Variants in LRBA observed in about 807,000 individuals in gnomAD.
LRBA encodes the protein LPS responsive beige-like anchor protein, also known as lipopolysaccharide-responsive and beige-like anchor protein.
A neutral mutation model predicts 330.0 loss-of-function variants in LRBA; 176 were observed. The ratio of observed to expected loss-of-function variants is 0.53; its 90% CI spans 0.47 to 0.60. The LOEUF (loss-of-function observed/expected upper bound fraction) is 0.60, where lower values mean the gene tolerates loss of function less well. LRBA is among the 20% of genes least tolerant of loss of function. The pLI is 0.00. For missense variants in LRBA, 3,259 were observed against 3,444.8 expected (o/e 0.95, Z 1.35); for synonymous variants, 1,230 against 1,193.0 (o/e 1.03, Z -0.64).
At chr4:150,960,594 A>G (rs982722217) in intron 2 of LRBA, among the ~76,000 whole-genome samples, 2 of 149,216 alleles carry the variant, frequency 1.3e-5, no homozygotes, top group Non-Finnish European at 2.9e-5. Context: ...AAAAGTCAAG[A>G]TAGAGGTTCC....
chr4:150,884,891 T>G (rs1226149099), intron 17 of LRBA, among the ~76,000 whole-genome samples: 1 of 152,086 alleles, frequency 6.6e-6, no homozygotes, highest in Non-Finnish European at 1.5e-5. Context: ...TAATAAATTA[T>G]ATTCAATAAA....
At chr4:150,838,328 A>G (rs1247587517) in intron 28 of LRBA, among the ~76,000 whole-genome samples, 1 of 152,098 alleles carries the variant, frequency 6.6e-6, no homozygotes, top group African/African-American at 2.4e-5. Context: ...CTTAATTTGA[A>G]TGTTGGCCTG....
chr4:150,658,129 G>A (rs1242468247), intron 37 of LRBA, among the ~76,000 whole-genome samples: 9 of 151,926 alleles, frequency 5.9e-5, no homozygotes, highest in Admixed American at 4.6e-4. Context: ...GGACCCTGAC[G>A]ATCGATACTC....
At chr4:150,745,702 G>C (rs1055907510) in intron 35 of LRBA, among the ~76,000 whole-genome samples, 3 of 152,028 alleles carry the variant, frequency 2.0e-5, no homozygotes, top group African/African-American at 7.2e-5. Context: ...CTTTAGTAGA[G>C]ACGGGATTTC....
intron 4 of LRBA, among the ~76,000 whole-genome samples, chr4:150,921,547 C>T (rs1286872663): frequency 6.6e-6 from 1 of 152,070 alleles, no homozygotes; most frequent in Non-Finnish European, 1.5e-5. Context: ...AACTCTTCTC[C>T]AAGCTGCAGC....
intron 2 of LRBA, among the ~76,000 whole-genome samples, chr4:150,979,003 A>C (rs902321457): frequency 2.0e-5 from 3 of 152,186 alleles, no homozygotes; most frequent in Non-Finnish European, 4.4e-5. Flanking sequence ...GAACTTTGCA[A>C]ACCTAGAGAA....
Position 150,465,506 on chromosome 4 carries a change from C to T in LRBA, c.6780+2167G>A, listed in dbSNP as rs114071761. On this transcript the variant is annotated intron_variant, in intron 44 of 56. Coordinates refer to ENST00000651943, the MANE Select transcript of LRBA (RefSeq NM_001364905.1). ...CACAAGGGTTCCAATTTTCCACATC[C>T]GTGCCAACACTTGTGATTTTCTGGG... Among the ~76,000 whole-genome samples the T allele has an allele frequency of 7.2e-3, 1,097 of 152,178 alleles. 12 individuals carry two copies. The highest frequency in any genetic ancestry group is 0.025 in the African/African-American group (1,046 of 41,534).
At chr4:150,436,957 A>G in intron 44 of LRBA, 93 bp from the exon 45 acceptor site, 1 of 1,160,504 alleles carries the variant, frequency 8.6e-7, no homozygotes, top group Non-Finnish European at 1.2e-6. Context: ...GGTAAGTATA[A>G]AAGTGAATTT....
intron 26 of LRBA, among the ~76,000 whole-genome samples, chr4:150,848,054 G>A (rs1750090547): frequency 1.3e-5 from 2 of 151,314 alleles, no homozygotes; most frequent in Non-Finnish European, 2.9e-5. Context: ...CCGCTCAATT[G>A]CCCAGGCTGC....
intron 50 of LRBA, among the ~76,000 whole-genome samples, chr4:150,319,198 G>C (rs1418387423): frequency 1.3e-5 from 2 of 151,760 alleles, no homozygotes; most frequent in Non-Finnish European, 2.9e-5. Flanking sequence ...CGTTGAGCCA[G>C]CTCTTCCTAG....
intron 34 of LRBA, among the ~76,000 whole-genome samples, chr4:150,762,053 C>A (rs758348165): frequency 3.3e-5 from 5 of 151,796 alleles, no homozygotes; most frequent in Non-Finnish European, 7.4e-5. Context: ...ATTAAATGAG[C>A]CTATCTATAT....
chr4:150,905,746 TA>T (rs1434397308), intron 13 of LRBA, 91 bp downstream of exon 13: 20 of 1,173,428 alleles, frequency 1.7e-5, no homozygotes, highest in East Asian at 2.4e-5. Context: ...TAATAGTACA[TA>T]AAAAAAAGAA....
intron 37 of LRBA, among the ~76,000 whole-genome samples, chr4:150,616,068 G>C (rs188237384): frequency 6.6e-6 from 1 of 152,142 alleles, no homozygotes; most frequent in Admixed American, 6.5e-5. Context: ...CTGAGATTTG[G>C]AATCTATCCA....
At chr4:150,939,555 T>C (rs569412334) in intron 2 of LRBA, among the ~76,000 whole-genome samples, 1 of 152,326 alleles carries the variant, frequency 6.6e-6, no homozygotes, top group African/African-American at 2.4e-5. Flanking sequence ...ATTTCCATTG[T>C]TTCAGCAACC....
At chr4:150,560,176 G>C (rs1581678300) in intron 40 of LRBA, among the ~76,000 whole-genome samples, 1 of 150,816 alleles carries the variant, frequency 6.6e-6, no homozygotes, top group African/African-American at 2.4e-5. Context: ...GAAAAAAAGT[G>C]GTGTGTGTAT....
chr4:150,324,402 T>C lies in LRBA; in HGVS notation c.7452+1407A>G, dbSNP rs142990349. On this transcript the variant is annotated intron_variant, in intron 49 of 56. Coordinates refer to ENST00000651943, the MANE Select transcript of LRBA (RefSeq NM_001364905.1). ...AGTCTTCTGCCCACTAAAGTCACTC[T>C]TCACGTTCATCTAAATCTGATTTTA... 2.0e-5 allele frequency among the ~76,000 whole-genome samples: 3 copies of C among 152,328 alleles called. No individual in the cohort carries two copies. In the East Asian group the frequency reaches 5.8e-4, roughly 29 times the overall value.
intron 33 of LRBA, 105 bp from the exon 34 acceptor site, chr4:150,798,247 A>T: frequency 2.8e-6 from 2 of 722,866 alleles, no homozygotes; most frequent in South Asian, 3.4e-5. Context: ...CAGACTATTA[A>T]TAGTGCACAT....
intron 55 of LRBA, 59 bp from the exon 56 acceptor site, chr4:150,278,063 CCT>C: frequency 6.5e-7 from 1 of 1,527,458 alleles, no homozygotes; most frequent in Non-Finnish European, 9.0e-7. Flanking sequence ...CGGCCCCCAC[CCT>C]GTTTTTGAGT....
intron 47 of LRBA, among the ~76,000 whole-genome samples, chr4:150,390,601 T>C (rs1181365573): frequency 6.6e-6 from 1 of 152,192 alleles, no homozygotes; most frequent in Non-Finnish European, 1.5e-5. Flanking sequence ...AAAAATTTCT[T>C]CCTCAAGGAA....
Sources: allele counts gnomAD v4.1 joint callset (sites outside exome capture counted in the v4.1 genomes callset), GRCh38; gene constraint gnomAD v4.1.1; transcripts MANE v1.5; gene names NCBI Gene and HGNC (gene_info 2026-07-23, HGNC 2026-07-21).